The following ZBTB16 variants were observed in gnomAD, a reference collection of about 807,000 sequenced individuals.
The protein encoded by ZBTB16 is zinc finger and BTB domain-containing protein 16.
A neutral mutation model predicts 56.8 loss-of-function variants in ZBTB16; 8 were observed. That is an observed-to-expected ratio of 0.14 (90% CI 0.08 to 0.25). The LOEUF is 0.25. Ranked by LOEUF, ZBTB16 falls within the 10% of genes least tolerant of loss-of-function variation. ZBTB16 has a pLI of 1.00. For synonymous variants in ZBTB16, 363 were observed against 368.5 expected, an observed-to-expected ratio of 0.98 and a Z score of 0.17; for missense variants, 625 against 903.0, an observed-to-expected ratio of 0.69 and a Z score of 3.95.
intron 3 of ZBTB16, among the ~76,000 whole-genome samples, chr11:114,186,420 C>T (rs750050603): frequency 6.6e-6 from 1 of 152,178 alleles, no homozygotes; most frequent in Non-Finnish European, 1.5e-5. Flanking sequence ...GGACCTTGTT[C>T]TCCAGGCACA....
At chr11:114,139,988 C>A (rs1941904595) in intron 2 of ZBTB16, among the ~76,000 whole-genome samples, 1 of 152,208 alleles carries the variant, frequency 6.6e-6, no homozygotes, top group Admixed American at 6.5e-5. Context: ...ATGCCCCCTT[C>A]CGTCCTCGGT....
chr11:114,090,886 A>T (rs1940159477), intron 2 of ZBTB16, among the ~76,000 whole-genome samples: 1 of 152,064 alleles, frequency 6.6e-6, no homozygotes, highest in Admixed American at 6.6e-5. Flanking sequence ...AAACATATGT[A>T]TGGCTTTTTG....
At chr11:114,076,286 T>C (rs1349874177) in intron 2 of ZBTB16, among the ~76,000 whole-genome samples, 1 of 152,140 alleles carries the variant, frequency 6.6e-6, no homozygotes, top group Non-Finnish European at 1.5e-5. Context: ...CGGGGCTGAT[T>C]GCAAAGCCGA....
intron 4 of ZBTB16, among the ~76,000 whole-genome samples, chr11:114,235,048 G>T (rs1944535435): frequency 6.6e-6 from 1 of 152,178 alleles, no homozygotes; most frequent in South Asian, 2.1e-4. Context: ...TTTGGGGGCT[G>T]GGGGTGGAGG....
chr11:114,226,853 G>T (rs1189764136), intron 4 of ZBTB16, among the ~76,000 whole-genome samples: 3 of 152,136 alleles, frequency 2.0e-5, no homozygotes, highest in Non-Finnish European at 2.9e-5. Flanking sequence ...ATGCTAGTGG[G>T]CAATGTGCTC....
At chr11:114,164,101 G>A (rs1942675650) in intron 3 of ZBTB16, among the ~76,000 whole-genome samples, 6 of 152,200 alleles carry the variant, frequency 3.9e-5, no homozygotes, top group Admixed American at 3.9e-4. Flanking sequence ...GCTGTTTGGA[G>A]TTTTATGGGC....
chr11:114,108,309 T>C (rs565391146), intron 2 of ZBTB16, among the ~76,000 whole-genome samples: 4 of 152,166 alleles, frequency 2.6e-5, no homozygotes, highest in Admixed American at 6.5e-5. Flanking sequence ...CTAGAACACC[T>C]ATCATCTCCA....
chr11:114,187,271 G>A (rs1943382492), intron 4 of ZBTB16: 2 of 621,052 alleles, frequency 3.2e-6, no homozygotes, highest in East Asian at 5.7e-5. Context: ...CCTAGATTAG[G>A]CCAAGATCTG....
At chr11:114,095,233 T>C (rs907540060) in intron 2 of ZBTB16, among the ~76,000 whole-genome samples, 5 of 82,998 alleles carry the variant, frequency 6.0e-5, no homozygotes, top group Non-Finnish European at 1.2e-4. Flanking sequence ...CCAATTTCTT[T>C]TCTTTTCTTT....
chr11:114,190,498 G>T (rs1187507327), intron 4 of ZBTB16, among the ~76,000 whole-genome samples: 1 of 152,010 alleles, frequency 6.6e-6, no homozygotes, highest in Non-Finnish European at 1.5e-5. Context: ...ATTATATCCT[G>T]TACATGACTT....
chr11:114,165,753 G>T (rs1942733658), intron 3 of ZBTB16, among the ~76,000 whole-genome samples: 1 of 152,148 alleles, frequency 6.6e-6, no homozygotes, highest in African/African-American at 2.4e-5. Flanking sequence ...CACTTGAGAG[G>T]TTGCTGTTGA....
chr11:114,235,639 T>TTTCC (rs1453441184), intron 4 of ZBTB16, among the ~76,000 whole-genome samples: 2 of 21,254 alleles, frequency 9.4e-5, no homozygotes, highest in East Asian at 4.6e-3. Context: ...CCTTTCTTTC[T>TTTCC]TTCTTTCTTT....
intron 3 of ZBTB16, among the ~76,000 whole-genome samples, chr11:114,163,251 G>A (rs1293332806): frequency 1.7e-5 from 2 of 115,110 alleles, no homozygotes; most frequent in East Asian, 2.9e-4. Flanking sequence ...AGCCTAAACT[G>A]AGACCAGAAG....
chr11:114,178,958 T>A (rs1380709412), intron 3 of ZBTB16, among the ~76,000 whole-genome samples: 1 of 152,172 alleles, frequency 6.6e-6, no homozygotes, highest in African/African-American at 2.4e-5. Context: ...CGTTGTTCTG[T>A]TGCTCAGCCC....
chr11:114,121,890 G>C, intron 2 of ZBTB16: 1 of 454,860 alleles, frequency 2.2e-6, no homozygotes, highest in Middle Eastern at 3.3e-4. Context: ...TTCCTGAGAT[G>C]TGAGATGTCA....
rs925389075 is a variant in ZBTB16, at chr11:114,102,485, T to C, written c.1268+37917T>C. ...TCCTTCATCACAGCAGTGGTAACAG[T>C]GGTTAGAGGGAGGAGGTAGAATCAG... is the stretch of plus-strand genomic sequence containing the variant. On this transcript the variant is annotated intron_variant, in intron 2 of 6. Transcript: ENST00000335953. 2.0e-5 allele frequency among the ~76,000 whole-genome samples: 3 copies of C among 152,044 alleles called. No homozygotes were observed. The East Asian group carries it at 5.8e-4, about 29-fold the overall frequency.
chr11:114,250,721 C>A lies in ZBTB16; in HGVS notation c.*166C>A. The A allele has an allele frequency of 1.3e-6, 1 of 741,322 alleles. No homozygotes were observed. Among genetic ancestry groups the A allele is most frequent in the Non-Finnish European group, 2.2e-6 (1 of 461,112 alleles). 45.9% of individuals were successfully genotyped at this position (741,322 alleles called of 1,614,324 possible). On this transcript the variant is annotated 3_prime_UTR_variant, in exon 7 of 7. Coordinates refer to ENST00000335953, the MANE Select transcript of ZBTB16 (RefSeq NM_006006.6). The surrounding 1 kb of genome is among the most constrained non-coding windows in gnomAD (Gnocchi z 6.0). Reference sequence around the variant, plus strand: ...TGGATTCTCTCTGGGCTCCAGATGACCTGGATGCCAAGCCACTGCCCCTCC... The same window carrying A: ...TGGATTCTCTCTGGGCTCCAGATGAACTGGATGCCAAGCCACTGCCCCTCC...
At chr11:114,072,612 T>A (rs1369246478) in intron 2 of ZBTB16, among the ~76,000 whole-genome samples, 1 of 152,078 alleles carries the variant, frequency 6.6e-6, no homozygotes, top group Non-Finnish European at 1.5e-5. Flanking sequence ...TTGTTTTGAG[T>A]GCTTGCTACA....
chr11:114,066,768 ATTTTTTTT>A (rs11371325), intron 2 of ZBTB16, among the ~76,000 whole-genome samples: 2 of 111,444 alleles, frequency 1.8e-5, no homozygotes, highest in African/African-American at 7.1e-5. Context: ...CACTCACTAC[ATTTTTTTT>A]TTTTTTTTTT....
Sources: allele counts gnomAD v4.1 joint callset (sites outside exome capture counted in the v4.1 genomes callset), GRCh38; gene constraint gnomAD v4.1.1; non-coding constraint Gnocchi (gnomAD v3.1); transcripts MANE v1.5; gene names NCBI Gene and HGNC (gene_info 2026-07-23, HGNC 2026-07-21).